WDFY3: variants seen among roughly 807,000 people sequenced by gnomAD.
WDFY3 encodes WD repeat and FYVE domain-containing protein 3.
Under a neutral mutation model 409.6 loss-of-function variants are expected in WDFY3, and 66 were observed. That is an observed-to-expected ratio of 0.16 (90% CI 0.13 to 0.20). The LOEUF is 0.20. Among genes scored for constraint, WDFY3 ranks in the 10% least tolerant of loss-of-function variants. The pLI, the probability that WDFY3 is intolerant of heterozygous loss-of-function variation, is 1.00. For missense variants in WDFY3, 3,031 were observed against 4,298.1 expected (o/e 0.71, Z 8.24); for synonymous variants, 1,521 against 1,537.1 (o/e 0.99, Z 0.25).
chr4:84,839,875 A>G (rs1320223445), intron 6 of WDFY3, among the ~76,000 whole-genome samples: 5 of 149,990 alleles, frequency 3.3e-5, no homozygotes, highest in African/African-American at 1.2e-4. Flanking sequence ...AAAAAGAAAG[A>G]AAAAAAAAAG....
At chr4:84,691,086 T>C (rs187456850) in intron 60 of WDFY3, among the ~76,000 whole-genome samples, 1 of 152,312 alleles carries the variant, frequency 6.6e-6, no homozygotes, top group Admixed American at 6.5e-5. Context: ...TAACAGACTA[T>C]GCAGATTCTT....
At chr4:84,720,094 T>C (rs1734596458) in intron 47 of WDFY3, among the ~76,000 whole-genome samples, 4 of 152,130 alleles carry the variant, frequency 2.6e-5, no homozygotes, top group Admixed American at 2.6e-4. Flanking sequence ...CATTCAAAGG[T>C]TTACTGGTTG....
At chr4:84,958,774 C>T (rs1774550740) in intron 1 of WDFY3, among the ~76,000 whole-genome samples, 1 of 152,144 alleles carries the variant, frequency 6.6e-6, no homozygotes, top group African/African-American at 2.4e-5. Flanking sequence ...TCCAGCCAAC[C>T]CCTTACTGTT....
intron 40 of WDFY3, among the ~76,000 whole-genome samples, chr4:84,738,151 A>G (rs970403491): frequency 1.3e-5 from 2 of 152,232 alleles, no homozygotes; most frequent in Admixed American, 6.5e-5. Context: ...CAATGAAACC[A>G]TATGTAAAAC....
chr4:84,731,013 T>C (rs1262345925), intron 44 of WDFY3, among the ~76,000 whole-genome samples: 1 of 152,138 alleles, frequency 6.6e-6, no homozygotes, highest in Admixed American at 6.5e-5. Flanking sequence ...GTCAGGATGG[T>C]CTCGAACTCC....
intron 3 of WDFY3, among the ~76,000 whole-genome samples, chr4:84,896,211 G>T (rs1765610379): frequency 6.6e-6 from 1 of 151,928 alleles, no homozygotes; most frequent in Non-Finnish European, 1.5e-5. Flanking sequence ...AGCCGAGATT[G>T]TGCCACTACA....
At chr4:84,766,194 A>T (rs1179853908) in intron 31 of WDFY3, 58 bp downstream of exon 31, 4 of 1,526,354 alleles carry the variant, frequency 2.6e-6, no homozygotes, top group Non-Finnish European at 3.5e-6. Flanking sequence ...CTTTTGCCTA[A>T]CATGAATTAA....
chr4:84,754,010 A>ATATGTG, intron 34 of WDFY3, 134 bp from the exon 35 acceptor site: 1 of 966,558 alleles, frequency 1.0e-6, no homozygotes, highest in Non-Finnish European at 1.4e-6. Context: ...AACCACACAT[A>ATATGTG]TGAGCAAACA....
At chr4:84,840,743 A>ATT (rs34303681) in intron 6 of WDFY3, among the ~76,000 whole-genome samples, 4 of 141,738 alleles carry the variant, frequency 2.8e-5, no homozygotes, top group African/African-American at 2.6e-5. Flanking sequence ...CGCTCAGCTA[A>ATT]TTTTTTTTTT....
At chr4:84,882,900 G>A (rs1228219485) in intron 3 of WDFY3, among the ~76,000 whole-genome samples, 1 of 151,912 alleles carries the variant, frequency 6.6e-6, no homozygotes, top group Non-Finnish European at 1.5e-5. Flanking sequence ...TAGAGTTGGG[G>A]TCTCACTACG....
intron 22 of WDFY3, among the ~76,000 whole-genome samples, chr4:84,788,976 T>C (rs1485508751): frequency 6.6e-6 from 1 of 152,030 alleles, no homozygotes; most frequent in Non-Finnish European, 1.5e-5. Context: ...GCTGAGATCG[T>C]GCCACTGCAC....
intron 8 of WDFY3, 54 bp from the exon 9 acceptor site, chr4:84,829,244 A>C: frequency 7.1e-7 from 1 of 1,401,860 alleles, no homozygotes; most frequent in East Asian, 2.4e-5. Flanking sequence ...ATCGCTTAAA[A>C]ATTTTTTAAT....
chr4:84,807,767 T>A (rs1751755442), intron 15 of WDFY3, among the ~76,000 whole-genome samples: 1 of 152,140 alleles, frequency 6.6e-6, no homozygotes, highest in African/African-American at 2.4e-5. Flanking sequence ...AGAGCACTGA[T>A]CAAAGTAAGT....
At chr4:84,908,042 GATAT>G (rs1052265317) in intron 2 of WDFY3, among the ~76,000 whole-genome samples, 53 of 152,138 alleles carry the variant, frequency 3.5e-4, no homozygotes, top group African/African-American at 1.3e-3. Flanking sequence ...AGGGACTGGA[GATAT>G]ATATAAGTAC....
chr4:84,765,064 C>A (rs925762039), intron 32 of WDFY3, among the ~76,000 whole-genome samples: 1 of 152,032 alleles, frequency 6.6e-6, no homozygotes, highest in African/African-American at 2.4e-5. Context: ...GACACACAAA[C>A]AATTAGATAT....
intron 38 of WDFY3, 91 bp downstream of exon 38, chr4:84,741,670 T>C (rs1738456730): frequency 1.5e-6 from 2 of 1,319,566 alleles, no homozygotes; most frequent in African/African-American, 1.5e-5. Flanking sequence ...ACATTCATTA[T>C]CTTATTAGTT....
intron 62 of WDFY3, among the ~76,000 whole-genome samples, chr4:84,685,279 G>T (rs1728116434): frequency 6.6e-6 from 1 of 152,206 alleles, no homozygotes; most frequent in African/African-American, 2.4e-5. Context: ...GGCTGGGGTA[G>T]GGTGAGGAGG....
intron 38 of WDFY3, among the ~76,000 whole-genome samples, chr4:84,741,480 A>G (rs759303167): frequency 2.4e-4 from 36 of 151,902 alleles, no homozygotes; most frequent in Non-Finnish European, 4.4e-4. Flanking sequence ...ATGCCTGGCT[A>G]ATTTTTGTAT....
chr4:84,964,655 T>G (rs1266154280), intron 1 of WDFY3, among the ~76,000 whole-genome samples: 1 of 152,184 alleles, frequency 6.6e-6, no homozygotes, highest in African/African-American at 2.4e-5. Context: ...AACTTATCCC[T>G]CCTTTTTGGA....
Sources: allele counts gnomAD v4.1 joint callset (sites outside exome capture counted in the v4.1 genomes callset), GRCh38; gene constraint gnomAD v4.1.1; transcripts MANE v1.5; gene names NCBI Gene and HGNC (gene_info 2026-07-23, HGNC 2026-07-21).